RPP38: variants seen among roughly 807,000 people sequenced by gnomAD.
The protein encoded by RPP38 is ribonuclease P/MRP subunit p38, also known as ribonuclease P protein subunit p38.
A neutral mutation model predicts 1.7 loss-of-function variants in RPP38; 2 were observed. That is an observed-to-expected ratio of 1.18 (90% CI 0.48 to 3.70). The LOEUF (loss-of-function observed/expected upper bound fraction) is 3.70. Among genes scored for constraint, RPP38 ranks in the 30% most tolerant of loss-of-function variants. RPP38 has a pLI of 0.07. For synonymous variants in RPP38, 151 were observed against 131.8 expected (o/e 1.15, Z -1.00); for missense variants, 358 against 340.1 (o/e 1.05, Z -0.41).
chr10:15,099,164 A>G (rs1203295978), intron 1 of RPP38, among the ~76,000 whole-genome samples: 1 of 152,148 alleles, frequency 6.6e-6, no homozygotes, highest in Non-Finnish European at 1.5e-5. Flanking sequence ...TGAGGGTGGG[A>G]GTGGTATTCC....
intron 1 of RPP38, among the ~76,000 whole-genome samples, chr10:15,101,179 T>C (rs1845099023): frequency 6.6e-6 from 1 of 152,248 alleles, no homozygotes; most frequent in Non-Finnish European, 1.5e-5. Context: ...AGTTTCCTAA[T>C]GCACACATTG....
chr10:15,104,033 CA>C lies in RPP38; in HGVS notation c.723del (p.Lys241AsnfsTer14). 6.2e-7 allele frequency: 1 copy of C among 1,613,876 alleles called. No homozygotes were observed. The highest frequency in any genetic ancestry group is 8.5e-7 in the Non-Finnish European group (1 of 1,179,940). The part of the protein sequence containing the change: ...ELLDTSFEDL[S>X]KPKRKLADGR... Reference sequence around the variant, plus strand: ...TTGGACACTTCATTTGAAGATCTGTCAAAACCTAAGAGAAAGCTTGCTGACG... The same window carrying C: ...TTGGACACTTCATTTGAAGATCTGTCAAACCTAAGAGAAAGCTTGCTGACG... On this transcript the variant is annotated frameshift_variant, in exon 3 of 3. Coordinates refer to ENST00000378197, the MANE Select transcript of RPP38 (RefSeq NM_183005.5). LOFTEE classifies it high-confidence loss of function.
intron 1 of RPP38, among the ~76,000 whole-genome samples, chr10:15,101,468 T>C (rs934939773): frequency 2.3e-4 from 35 of 152,190 alleles, no homozygotes; most frequent in Admixed American, 1.2e-3. Context: ...ACCAATAGTT[T>C]ATAACATTTT....
intron 1 of RPP38, among the ~76,000 whole-genome samples, chr10:15,101,149 G>A (rs1845098153): frequency 6.6e-6 from 1 of 152,216 alleles, no homozygotes; most frequent in Admixed American, 6.5e-5. Context: ...AAAACTAGTT[G>A]TGACTTTAGG....
intron 1 of RPP38, among the ~76,000 whole-genome samples, chr10:15,098,911 C>T (rs1350738303): frequency 5.9e-5 from 8 of 135,412 alleles, no homozygotes; most frequent in Admixed American, 4.2e-4. Context: ...AAAAAAGTTC[C>T]TCTGTGAGGA....
In RPP38 at chr10:15,103,903, A is replaced by C; in HGVS notation, c.589A>C (p.Ile197Leu). 6.2e-7 allele frequency: 1 copy of C among 1,614,216 alleles called. No individual in the cohort carries two copies. The highest frequency in any genetic ancestry group is 1.1e-5 in the South Asian group (1 of 91,078). ...TDFVDEVRAI[I>L]PRVPSLSVPW... is the part of the protein sequence containing the mutation. ...CTTTGTGGACGAAGTAAGAGCCATC[A>C]TCCCCAGAGTCCCCAGTTTAAGTGT... Residue 197 changes from isoleucine (I) to leucine (L), a missense_variant, in exon 3 of 3, where the codon ATC becomes CTC. Coordinates refer to ENST00000378197, the MANE Select transcript of RPP38 (RefSeq NM_183005.5).
chr10:15,101,272 T>TG (rs1845101714), intron 1 of RPP38, among the ~76,000 whole-genome samples: 1 of 152,200 alleles, frequency 6.6e-6, no homozygotes. Context: ...CAGACACACT[T>TG]GCCTTCAACA....
intron 1 of RPP38, among the ~76,000 whole-genome samples, chr10:15,101,264 G>A (rs1197444569): frequency 1.3e-5 from 2 of 152,224 alleles, no homozygotes; most frequent in Non-Finnish European, 2.9e-5. Flanking sequence ...ACACTGCACA[G>A]ACACACTTGC....
At chr10:15,101,261 AC>A (rs1845101422) in intron 1 of RPP38, among the ~76,000 whole-genome samples, 1 of 152,248 alleles carries the variant, frequency 6.6e-6, no homozygotes, top group Non-Finnish European at 1.5e-5. Flanking sequence ...GATACACTGC[AC>A]AGACACACTT....
rs1465458241 is a variant in RPP38 at position 15,104,142 on chromosome 10, A to C, written c.828A>C (p.Lys276Asn). Residue 276 changes from lysine to asparagine, a missense_variant, in exon 3 of 3, where the codon AAA becomes AAC. By Grantham distance (94) the Lys-to-Asn change is moderately conservative (BLOSUM62 0). Transcript: ENST00000378197. ...CTAATAAGATAAGGAAACCACCCAA[A>C]AGTAAAAAAGCTACTCCAAAGTAAT... Reference protein sequence around the residue: ...PNPNKIRKPPKSKKATPK With the variant: ...PNPNKIRKPPNSKKATPK The C allele has an allele frequency of 1.3e-6, 2 of 1,569,066 alleles. No homozygotes were observed. The highest frequency in any genetic ancestry group is 1.7e-6 in the Non-Finnish European group (2 of 1,164,376).
At chr10:15,103,268 C>T (rs375560293) in intron 2 of RPP38, 37 bp from the exon 3 acceptor site, 2 of 1,531,258 alleles carry the variant, frequency 1.3e-6, no homozygotes, top group African/African-American at 2.8e-5. Flanking sequence ...TTGTCGCTAA[C>T]ATGAATTTTT....
intron 1 of RPP38, among the ~76,000 whole-genome samples, chr10:15,098,400 T>G (rs1214231104): frequency 6.6e-6 from 1 of 151,106 alleles, no homozygotes; most frequent in Non-Finnish European, 1.5e-5. Flanking sequence ...AATTTTCGTA[T>G]TTTTAGTAGA....
At chr10:15,100,952 G>T (rs1022003014) in intron 1 of RPP38, among the ~76,000 whole-genome samples, 2 of 152,148 alleles carry the variant, frequency 1.3e-5, no homozygotes, top group Non-Finnish European at 2.9e-5. Flanking sequence ...ATGTGCTTTG[G>T]TTACTGGCGT....
intron 1 of RPP38, among the ~76,000 whole-genome samples, chr10:15,099,799 T>C (rs1845062082): frequency 6.6e-6 from 1 of 152,120 alleles, no homozygotes; most frequent in Non-Finnish European, 1.5e-5. Context: ...ATTTAAAAAT[T>C]AAAAAAATTT....
chr10:15,102,007 GTTA>G (rs1315345272), intron 1 of RPP38, among the ~76,000 whole-genome samples: 1 of 152,144 alleles, frequency 6.6e-6, no homozygotes, highest in Admixed American at 6.5e-5. Flanking sequence ...ACGTGACAGT[GTTA>G]TTTGAAGTTT....
Position 15,103,342 on chromosome 10 carries a change from C to A in RPP38, c.28C>A (p.Arg10=), listed in dbSNP as rs138934702. 6.3e-7 allele frequency: 1 copy of A among 1,593,302 alleles called. No homozygotes were observed. Among genetic ancestry groups the A allele is most frequent in the African/African-American group, 1.4e-5 (1 of 73,772 alleles). MAAAPQAPG[R]GSLRKTRPLV... Reference sequence around the variant, plus strand: ...GGCTGCAGCTCCTCAAGCACCGGGGCGGGGATCTCTCCGTAAGACGAGACC... The same window carrying A: ...GGCTGCAGCTCCTCAAGCACCGGGGAGGGGATCTCTCCGTAAGACGAGACC... Residue 10 remains arginine (R), a synonymous_variant, in exon 3 of 3, where the codon CGG becomes AGG. Coordinates refer to ENST00000378197, the MANE Select transcript of RPP38 (RefSeq NM_183005.5).
In RPP38 at chr10:15,103,857, G is replaced by A. The variant is rs147888886; in HGVS notation, c.543G>A (p.Ala181=). The A allele has an allele frequency of 1.7e-4, 271 of 1,614,106 alleles. 2 individuals are homozygous for A. In the African/African-American group the frequency reaches 3.1e-3, roughly 18 times the overall value. The change falls in exon 3 of 3, where the codon GCG becomes GCA. Residue 181 remains alanine, a synonymous_variant. Transcript: ENST00000378197. ...VIGLKCVLAL[A]FKKNTTDFVD... The stretch of plus-strand genomic sequence containing the variant: ...GCTTAAAATGTGTTCTAGCCTTGGC[G>A]TTCAAAAAGAACACCACTGACTTTG...
At chr10:15,100,805 A>G (rs7898848) in intron 1 of RPP38, among the ~76,000 whole-genome samples, 60,325 of 151,796 alleles carry the variant, frequency 0.4, 16,294 homozygotes, top group African/African-American at 0.78. Context: ...CTCAGCCTCC[A>G]AGTAGCTGGG....
In RPP38 at chr10:15,103,522, C is replaced by A. The variant is rs775350299; in HGVS notation, c.208C>A (p.Pro70Thr). 4.4e-5 allele frequency: 71 copies of A among 1,613,904 alleles called. No individual in the cohort carries two copies. The Admixed American group carries it at 1.2e-3, about 27-fold the overall frequency. ...AGATAAGAAGAAAAAGAACAAAACA[C>A]CTTTTCTGAAAAAAGAAAGCAGAGA... is the stretch of plus-strand genomic sequence containing the variant. ...IEDKKKKNKTPFLKKESREKC... is the reference protein window; with the variant it reads ...IEDKKKKNKTTFLKKESREKC... The change falls in exon 3 of 3, where the codon CCT becomes ACT. Residue 70 changes from proline (P) to threonine (T), a missense_variant. Physicochemically the swap from Pro to Thr is conservative, Grantham distance 38. Coordinates refer to ENST00000378197, the MANE Select transcript of RPP38 (RefSeq NM_183005.5).
Sources: gnomAD v4.1 joint callset for allele counts (sites outside exome capture counted in the v4.1 genomes callset) on GRCh38, gnomAD v4.1.1 for gene constraint, MANE v1.5 for transcripts, NCBI Gene and HGNC (gene_info 2026-07-23, HGNC 2026-07-21) for gene names.